SLC9A3: variants seen among roughly 807,000 people sequenced by gnomAD.
SLC9A3 encodes solute carrier family 9 member A3.
Under a neutral mutation model 86.8 loss-of-function variants are expected in SLC9A3, and 37 were observed. The ratio of observed to expected loss-of-function variants is 0.43; its 90% CI spans 0.33 to 0.56. The LOEUF is 0.56. SLC9A3 is among the 20% of genes least tolerant of loss of function. SLC9A3 has a pLI of 0.06. For synonymous variants in SLC9A3, 581 were observed against 528.3 expected (o/e 1.10, Z -1.37); for missense variants, 1,011 against 1,171.9 (o/e 0.86, Z 2.00).
chr5:488,522 C>G (rs187932728), intron 2 of SLC9A3, 46 bp from the exon 3 acceptor site: 3 of 1,480,586 alleles, frequency 2.0e-6, no homozygotes, highest in Admixed American at 2.3e-5. Context: ...GCCTGCCACC[C>G]GAGGAGGAGG....
In SLC9A3 at chr5:524,420, G is replaced by A. The variant is rs1733978923; in HGVS notation, c.-98C>T. On this transcript the variant is annotated 5_prime_UTR_variant, in exon 1 of 17. Coordinates refer to ENST00000264938, the MANE Select transcript of SLC9A3 (RefSeq NM_004174.4). ...GGCTGGGACCCGGCGAGGACCCGGC[G>A]CGCTCCGGTGCCGGTACCGGCTACA... 2.6e-6 allele frequency: 1 copy of A among 383,436 alleles called. No individual in the cohort carries two copies. Among genetic ancestry groups the A allele is most frequent in the African/African-American group, 2.2e-5 (1 of 46,274 alleles). 23.8% of individuals were successfully genotyped at this position (383,436 alleles called of 1,614,324 possible).
chr5:486,129 G>A (rs977948225), intron 3 of SLC9A3, among the ~76,000 whole-genome samples: 17 of 152,158 alleles, frequency 1.1e-4, no homozygotes, highest in Non-Finnish European at 2.5e-4. Flanking sequence ...GAGGCTGACG[G>A]GTTTCAAACC....
intron 1 of SLC9A3, among the ~76,000 whole-genome samples, chr5:495,269 A>G (rs1453974382): frequency 6.6e-6 from 1 of 152,062 alleles, no homozygotes; most frequent in Non-Finnish European, 1.5e-5. Context: ...CACCGTTGTG[A>G]AGCCACCCCA....
chr5:488,283 C>T (rs570280969), intron 3 of SLC9A3, 33 bp downstream of exon 3: 49 of 1,608,310 alleles, frequency 3.0e-5, no homozygotes, highest in Admixed American at 1.3e-4. Flanking sequence ...TCCCACGGCT[C>T]GCCCGCTCTG....
intron 1 of SLC9A3, among the ~76,000 whole-genome samples, chr5:523,299 C>A (rs539838227): frequency 6.6e-6 from 1 of 152,260 alleles, no homozygotes; most frequent in Non-Finnish European, 1.5e-5. Context: ...TCGGCCCCAG[C>A]ATCGAAACCT....
At chr5:522,982 G>A (rs928293998) in intron 1 of SLC9A3, among the ~76,000 whole-genome samples, 1 of 152,116 alleles carries the variant, frequency 6.6e-6, no homozygotes, top group Admixed American at 6.5e-5. Flanking sequence ...AGGGAGGACA[G>A]CCTGAGCCTG....
intron 2 of SLC9A3, among the ~76,000 whole-genome samples, chr5:489,167 C>T (rs1739609471): frequency 1.3e-5 from 2 of 152,194 alleles, no homozygotes. Flanking sequence ...AGGGGACCCT[C>T]AGGGAACTGA....
intron 1 of SLC9A3, among the ~76,000 whole-genome samples, chr5:492,568 CA>C (rs1318371227): frequency 6.6e-6 from 1 of 151,884 alleles, no homozygotes; most frequent in African/African-American, 2.4e-5. Context: ...GAGGAGAGTG[CA>C]GGGGCAGCTG....
In SLC9A3 at chr5:483,421, C is replaced by A. The variant is rs1304236217; in HGVS notation, c.994G>T (p.Ala332Ser). ...TTCATGGTGTAGCGCACGGTGGTGG[C>A]CGACTGCTCCGAGATGTTGGCCTTC... ...YVKANISEQS[A>S]TTVRYTMKML... The change falls in exon 6 of 17, where the codon GCC becomes TCC. Residue 332 changes from alanine to serine, a missense_variant. Transcript: ENST00000264938. 1.3e-6 allele frequency: 2 copies of A among 1,584,106 alleles called. No individual in the cohort carries two copies. Among genetic ancestry groups the A allele is most frequent in the Admixed American group, 1.8e-5 (1 of 56,102 alleles).
chr5:482,840 G>T, intron 6 of SLC9A3, 90 bp from the exon 7 acceptor site: 1 of 1,048,286 alleles, frequency 9.5e-7, no homozygotes, highest in Non-Finnish European at 1.4e-6. Flanking sequence ...TGGCGGCCAA[G>T]CATGTGCTGA....
chr5:511,897 T>C (rs899841601), intron 1 of SLC9A3, among the ~76,000 whole-genome samples: 11 of 152,192 alleles, frequency 7.2e-5, no homozygotes, highest in African/African-American at 2.7e-4. Flanking sequence ...AGTAGATGGA[T>C]AGATCCAGAC....
chr5:498,768 C>T (rs1560965678), intron 1 of SLC9A3, among the ~76,000 whole-genome samples: 3 of 152,212 alleles, frequency 2.0e-5, no homozygotes, highest in South Asian at 2.1e-4. Flanking sequence ...TGCACAACCC[C>T]GCTTTGGGAA....
intron 6 of SLC9A3, 148 bp downstream of exon 6, chr5:483,114 G>T: frequency 1.5e-6 from 1 of 660,174 alleles, no homozygotes. Context: ...TCCCACCCCA[G>T]CCCCGAGGCC....
chr5:483,157 G>T (rs571401335), intron 6 of SLC9A3, 105 bp downstream of exon 6: 1 of 886,438 alleles, frequency 1.1e-6, no homozygotes, highest in Non-Finnish European at 1.7e-6. Context: ...TGCCTTGCAC[G>T]GGGCTGCACC....
Position 484,660 on chromosome 5 carries a change from C to G in SLC9A3, c.792G>C (p.Val264=). 1.9e-6 allele frequency: 3 copies of G among 1,613,104 alleles called. No homozygotes were observed. Among genetic ancestry groups the G allele is most frequent in the Non-Finnish European group, 2.5e-6 (3 of 1,179,968 alleles). The change falls in exon 5 of 17, where the codon GTG becomes GTC. Residue 264 remains valine (V), a synonymous_variant. Coordinates refer to ENST00000264938, the MANE Select transcript of SLC9A3 (RefSeq NM_004174.4). The part of the protein sequence containing the change: ...FFVVSLGGTL[V]GVVFAFLLSL... Reference sequence around the variant, plus strand: ...ACAGCAGGAAGGCGAAGACCACCCCCACCAGCGTGCCCCCCAGGCTCACCA... The same window carrying G: ...ACAGCAGGAAGGCGAAGACCACCCCGACCAGCGTGCCCCCCAGGCTCACCA...
chr5:505,642 C>G (rs1182791793), intron 1 of SLC9A3, among the ~76,000 whole-genome samples: 1 of 7,006 alleles, frequency 1.4e-4, no homozygotes, highest in African/African-American at 5.7e-4. Context: ...AGAGTGACCA[C>G]AGAGGGGAGA....
At chr5:512,218 G>T (rs908540994) in intron 1 of SLC9A3, among the ~76,000 whole-genome samples, 1 of 152,216 alleles carries the variant, frequency 6.6e-6, no homozygotes, top group Non-Finnish European at 1.5e-5. Context: ...ACTCACAGAA[G>T]TGTAACACCA....
Position 485,041 on chromosome 5 carries a change from G to T in SLC9A3, c.754+112C>A, listed in dbSNP as rs1180055343. ...GACGTGACGTGGACAGAAGGGCCCAGTGTAGCAGCTTTGAGTGCAAAGCTT... is the reference window on the plus strand; with the variant it reads ...GACGTGACGTGGACAGAAGGGCCCATTGTAGCAGCTTTGAGTGCAAAGCTT... On this transcript the variant is annotated intron_variant, in intron 4 of 16. Coordinates refer to ENST00000264938, the MANE Select transcript of SLC9A3 (RefSeq NM_004174.4). 8 of 813,458 alleles carry T rather than the reference G, an allele frequency of 9.8e-6. No individual in the cohort carries two copies. In the East Asian group the frequency reaches 1.7e-4, roughly 18 times the overall value. 50.4% of individuals were successfully genotyped at this position (813,458 alleles called of 1,614,324 possible).
intron 1 of SLC9A3, among the ~76,000 whole-genome samples, chr5:507,186 T>TTTTTTA (rs1242074998): frequency 9.4e-6 from 1 of 106,872 alleles, no homozygotes; most frequent in African/African-American, 3.6e-5. Flanking sequence ...TTTTTTTTTT[T>TTTTTTA]GAGACGGAGT....
Sources: gnomAD v4.1 joint callset for allele counts (sites outside exome capture counted in the v4.1 genomes callset) on GRCh38, gnomAD v4.1.1 for gene constraint, MANE v1.5 for transcripts, NCBI Gene and HGNC (gene_info 2026-07-23, HGNC 2026-07-21) for gene names.